ITPR1: variants seen among roughly 807,000 people sequenced by gnomAD.
ITPR1 encodes inositol 1,4,5-trisphosphate-gated calcium channel ITPR1.
Under a neutral mutation model 318.4 loss-of-function variants are expected in ITPR1, and 96 were observed. The ratio of observed to expected loss-of-function variants is 0.30; its 90% CI spans 0.26 to 0.36. The LOEUF is 0.36. Among genes scored for constraint, ITPR1 ranks in the 10% least tolerant of loss-of-function variants. The probability of loss-of-function intolerance (pLI) is 1.00; values close to 1 mark genes in which losing one functional copy is unlikely to be tolerated. For synonymous variants in ITPR1, 1,312 were observed against 1,289.9 expected (o/e 1.02, Z -0.37); for missense variants, 2,440 against 3,460.2 (o/e 0.71, Z 7.40).
At chr3:4,496,194 C>T (rs910843548) in intron 2 of ITPR1, among the ~76,000 whole-genome samples, 4 of 152,158 alleles carry the variant, frequency 2.6e-5, no homozygotes, top group African/African-American at 4.8e-5. Flanking sequence ...CTGAATAATT[C>T]GAAAGTTTAA....
chr3:4,521,888 A>G (rs1253230828), intron 4 of ITPR1, among the ~76,000 whole-genome samples: 3 of 152,076 alleles, frequency 2.0e-5, no homozygotes, highest in Non-Finnish European at 1.5e-5. Flanking sequence ...AAACAAAAAC[A>G]AAAACAAAAA....
At chr3:4,694,783 T>C (rs2094532367) in intron 33 of ITPR1, among the ~76,000 whole-genome samples, 1 of 152,208 alleles carries the variant, frequency 6.6e-6, no homozygotes, top group South Asian at 2.1e-4. Context: ...GACCAAAATG[T>C]CATTAGTCAG....
chr3:4,599,986 C>T (rs1034169032), intron 4 of ITPR1, among the ~76,000 whole-genome samples: 7 of 152,214 alleles, frequency 4.6e-5, no homozygotes, highest in Non-Finnish European at 1.0e-4. Flanking sequence ...CTCCTTCCTA[C>T]ACTGGTACAT....
chr3:4,721,813 C>T (rs139954270), intron 40 of ITPR1, among the ~76,000 whole-genome samples: 9 of 152,256 alleles, frequency 5.9e-5, no homozygotes, highest in Admixed American at 5.9e-4. Context: ...TTGCAGGCCG[C>T]GATCTGTGCT....
intron 4 of ITPR1, among the ~76,000 whole-genome samples, chr3:4,564,570 G>A (rs930584164): frequency 2.6e-5 from 4 of 152,152 alleles, no homozygotes; most frequent in Admixed American, 6.5e-5. Context: ...CCAAGGTAGT[G>A]TTAGGAGCTG....
chr3:4,534,310 C>A (rs186602487), intron 4 of ITPR1, among the ~76,000 whole-genome samples: 1 of 152,268 alleles, frequency 6.6e-6, no homozygotes, highest in African/African-American at 2.4e-5. Flanking sequence ...TCTATTATGT[C>A]CATGTGTACC....
intron 10 of ITPR1, among the ~76,000 whole-genome samples, chr3:4,651,716 C>T (rs886164492): frequency 2.0e-5 from 3 of 152,208 alleles, no homozygotes; most frequent in African/African-American, 7.2e-5. Flanking sequence ...CTCTGAGTTT[C>T]ACATTTCAGA....
chr3:4,800,622 G>A, intron 54 of ITPR1, 22 bp downstream of exon 54: 2 of 1,610,400 alleles, frequency 1.2e-6, no homozygotes, highest in East Asian at 2.2e-5. Flanking sequence ...TACCTTCCTT[G>A]CCACTGTTTT....
intron 24 of ITPR1, among the ~76,000 whole-genome samples, chr3:4,677,588 A>C (rs2094210279): frequency 6.6e-6 from 1 of 152,200 alleles, no homozygotes; most frequent in African/African-American, 2.4e-5. Flanking sequence ...GGTGGGGTTC[A>C]AGAGGGAATG....
chr3:4,644,996 A>G (rs1048413752), intron 8 of ITPR1, among the ~76,000 whole-genome samples: 1 of 152,152 alleles, frequency 6.6e-6, no homozygotes. Flanking sequence ...GATCATTAAC[A>G]TTTTCGAGTG....
intron 4 of ITPR1, among the ~76,000 whole-genome samples, chr3:4,625,466 T>C (rs2092792293): frequency 6.6e-6 from 1 of 152,222 alleles, no homozygotes; most frequent in South Asian, 2.1e-4. Flanking sequence ...AGAATAAATG[T>C]ACAGTTAGTA....
intron 4 of ITPR1, among the ~76,000 whole-genome samples, chr3:4,559,927 C>A (rs1009357794): frequency 6.6e-6 from 1 of 152,150 alleles, no homozygotes; most frequent in African/African-American, 2.4e-5. Context: ...TAAGAGGCGG[C>A]GTTATGTACT....
At chr3:4,612,198 A>G (rs1035612093) in intron 4 of ITPR1, among the ~76,000 whole-genome samples, 6 of 149,856 alleles carry the variant, frequency 4.0e-5, no homozygotes, top group African/African-American at 1.5e-4. Context: ...AGTAGCTGGG[A>G]TTACAGGCGC....
intron 7 of ITPR1, 85 bp downstream of exon 7, chr3:4,642,336 A>C: frequency 9.0e-7 from 1 of 1,108,788 alleles, no homozygotes; most frequent in Middle Eastern, 2.2e-4. Flanking sequence ...GGAGACGTTG[A>C]AAGTTGGAAC....
chr3:4,795,457 C>T (rs975210469), intron 53 of ITPR1, among the ~76,000 whole-genome samples: 2 of 152,174 alleles, frequency 1.3e-5, no homozygotes, highest in African/African-American at 2.4e-5. Flanking sequence ...TAATCAGCCC[C>T]TTCTTTTATA....
At chr3:4,560,642 A>C (rs1033889757) in intron 4 of ITPR1, among the ~76,000 whole-genome samples, 1 of 152,180 alleles carries the variant, frequency 6.6e-6, no homozygotes, top group African/African-American at 2.4e-5. Context: ...TCTTTCAAGG[A>C]GAAAGAAAAA....
At chr3:4,717,809 T>TA (rs1178502554) in intron 40 of ITPR1, among the ~76,000 whole-genome samples, 2 of 152,182 alleles carry the variant, frequency 1.3e-5, no homozygotes, top group Non-Finnish European at 1.5e-5. Context: ...TTGAAAGTAG[T>TA]AAAAAAGGAA....
chr3:4,566,019 C>T (rs565848788), intron 4 of ITPR1, among the ~76,000 whole-genome samples: 7 of 152,294 alleles, frequency 4.6e-5, no homozygotes, highest in South Asian at 4.1e-4. Flanking sequence ...ATGCTGGCCC[C>T]GTCTTGCTCA....
intron 4 of ITPR1, among the ~76,000 whole-genome samples, chr3:4,522,631 A>G (rs776797959): frequency 7.9e-5 from 12 of 152,230 alleles, no homozygotes; most frequent in Non-Finnish European, 1.6e-4. Context: ...TCCTTCTTTC[A>G]TGTTTCCTTC....
Sources: allele counts gnomAD v4.1 joint callset (sites outside exome capture counted in the v4.1 genomes callset), GRCh38; gene constraint gnomAD v4.1.1; transcripts MANE v1.5; gene names NCBI Gene and HGNC (gene_info 2026-07-23, HGNC 2026-07-21).